Variants in TASOR2 observed in about 807,000 individuals in gnomAD.
The protein encoded by TASOR2 is protein TASOR 2.
Under a neutral mutation model 199.5 loss-of-function variants are expected in TASOR2, and 84 were observed. The observed-to-expected ratio is 0.42, with a 90% confidence interval of 0.35 to 0.50. The LOEUF (loss-of-function observed/expected upper bound fraction) is 0.50, where lower values mean the gene tolerates loss of function less well. TASOR2 is among the 20% of genes least tolerant of loss of function. The pLI is 0.02. For synonymous variants in TASOR2, 1,103 were observed against 1,046.6 expected (o/e 1.05, Z -1.04); for missense variants, 2,796 against 2,835.9 (o/e 0.99, Z 0.32).
Position 5,742,469 on chromosome 10 carries a change from AGAGTGT to A in TASOR2, c.2703_2708del (p.Glu901_Cys902del). ...ATGAACAGAAAAAAACTTTTGCAAG[AGAGTGT>A]GATCCAGACACCCAAGAAGACCAGA... On this transcript the variant is annotated inframe_deletion, in exon 14 of 21. Transcript: ENST00000328090. The surrounding 1 kb of genome is among the most constrained non-coding windows in gnomAD (Gnocchi z 4.2). The A allele has an allele frequency of 1.9e-6, 3 of 1,614,092 alleles. No homozygotes were observed. The highest frequency in any genetic ancestry group is 2.5e-6 in the Non-Finnish European group (3 of 1,180,024).
chr10:5,725,313 C>A (rs1277172874), intron 8 of TASOR2, among the ~76,000 whole-genome samples: 15 of 145,320 alleles, frequency 1.0e-4, no homozygotes, highest in Admixed American at 8.0e-4. Context: ...ATGGCATGAA[C>A]CCAGGAGGCG....
At chr10:5,718,495 C>G (rs12247193) in intron 3 of TASOR2, among the ~76,000 whole-genome samples, 1 of 151,596 alleles carries the variant, frequency 6.6e-6, no homozygotes, top group Non-Finnish European at 1.5e-5. Context: ...TGCCTGTAAT[C>G]CCAGCACTTT....
In TASOR2 at chr10:5,738,864, T is replaced by C. The variant is rs1274101737; in HGVS notation, c.1448-754T>C. Among the ~76,000 whole-genome samples, 5 of 152,160 alleles carry C rather than the reference T, an allele frequency of 3.3e-5. No homozygotes were observed. The highest frequency in any genetic ancestry group is 1.2e-4 in the African/African-American group (5 of 41,428). The stretch of plus-strand genomic sequence containing the variant: ...AATACCAAGGGAAACCACTGGCAAA[T>C]GTAAATGTTCTGATTAAGGGCATAT... On this transcript the variant is annotated intron_variant, in intron 12 of 20. Transcript: ENST00000328090. The surrounding 1 kb of genome is among the most constrained non-coding windows in gnomAD (Gnocchi z 4.7).
intron 1 of TASOR2, among the ~76,000 whole-genome samples, chr10:5,704,439 A>G (rs139358041): frequency 1.1e-3 from 161 of 152,118 alleles, no homozygotes; most frequent in African/African-American, 3.6e-3. Context: ...AATTGTTTCT[A>G]TTACCCTTAT....
chr10:5,758,736 C>A, intron 17 of TASOR2, 151 bp from the exon 19 acceptor site: 1 of 618,644 alleles, frequency 1.6e-6, no homozygotes, highest in East Asian at 2.8e-5. Flanking sequence ...AGGATGCTGC[C>A]CAACCACATA....
intron 13 of TASOR2, among the ~76,000 whole-genome samples, chr10:5,741,536 C>G (rs907060345): frequency 1.3e-5 from 2 of 152,198 alleles, no homozygotes; most frequent in African/African-American, 4.8e-5. Flanking sequence ...CATCCTTTTG[C>G]CTGCCAGGTG....
At chr10:5,758,967 A>T (rs1348729076) in exon 18 of TASOR2, 1 of 1,613,886 alleles carries the variant, frequency 6.2e-7, no homozygotes, top group Non-Finnish European at 8.5e-7. Context: ...CTACAGGGAA[A>T]ATAAAAAGCT....
rs1837469019 is a variant in TASOR2, at chr10:5,748,053, A to G, written c.4632A>G (p.Lys1544=). 4.3e-6 allele frequency: 7 copies of G among 1,614,088 alleles called. No individual in the cohort carries two copies. In the South Asian group the frequency reaches 7.7e-5, roughly 18 times the overall value. Residue 1544 remains lysine (K), a synonymous_variant, in exon 15 of 21, where the codon AAA becomes AAG. Coordinates refer to ENST00000328090, the Ensembl canonical transcript of TASOR2. This position sits in a 1 kb window ranked among gnomAD's most constrained non-coding sequence, Gnocchi z 5.1. ...GTGACTTCAGTCCTTCTCCTGAAAA[A>G]CTGGTAAAATCAGGAAATCCATTGC...
rs970134215 is a variant in TASOR2, at chr10:5,737,092, T to C, written c.1447+1546T>C. ...TTCCTGCCTCAGTCTCCCGAGTAGC[T>C]AGGACTACAGGTGCATGCCACCACG... On this transcript the variant is annotated intron_variant, in intron 12 of 20. Transcript: ENST00000328090. The surrounding 1 kb of genome is among the most constrained non-coding windows in gnomAD (Gnocchi z 4.9). Among the ~76,000 whole-genome samples the C allele has an allele frequency of 2.0e-5, 3 of 152,150 alleles. No individual in the cohort carries two copies. The highest frequency in any genetic ancestry group is 7.2e-5 in the African/African-American group (3 of 41,432).
Position 5,752,034 on chromosome 10 carries a change from C to G in TASOR2, c.6606+2007C>G, listed in dbSNP as rs1472670654. ...TCCCAACCCCAGGTATAATGAGACCCCTCACTGAGGCACTAATCCTGACCT... is the reference window on the plus strand; with the variant it reads ...TCCCAACCCCAGGTATAATGAGACCGCTCACTGAGGCACTAATCCTGACCT... On this transcript the variant is annotated intron_variant, in intron 15 of 20. Transcript: ENST00000328090. The surrounding 1 kb of genome is among the most constrained non-coding windows in gnomAD (Gnocchi z 4.4). Among the ~76,000 whole-genome samples, 1 of 152,048 alleles carries G rather than the reference C, an allele frequency of 6.6e-6. No individual in the cohort carries two copies. Among genetic ancestry groups the G allele is most frequent in the Middle Eastern group, 3.2e-3 (1 of 316 alleles).
At chr10:5,717,404 C>T (rs779701031) in intron 2 of TASOR2, among the ~76,000 whole-genome samples, 6 of 152,106 alleles carry the variant, frequency 3.9e-5, no homozygotes, top group Non-Finnish European at 8.8e-5. Flanking sequence ...CTTCTGACCA[C>T]AGAATTAGCG....
At chr10:5,731,295 C>A (rs1834779468) in intron 11 of TASOR2, 92 bp downstream of exon 12, 8 of 1,207,460 alleles carry the variant, frequency 6.6e-6, no homozygotes, top group African/African-American at 3.0e-5. Flanking sequence ...TTTGGGAAAC[C>A]AAGTGGGTGG....
rs747533921 is a variant in TASOR2 at position 5,748,769 on chromosome 10, C to G, written c.5348C>G (p.Ser1783Cys). 1 of 1,614,148 alleles carries G rather than the reference C, an allele frequency of 6.2e-7. No individual in the cohort carries two copies. Among genetic ancestry groups the G allele is most frequent in the South Asian group, 1.1e-5 (1 of 91,084 alleles). The change falls in exon 15 of 21, where the codon TCT becomes TGT. Residue 1783 changes from serine (S) to cysteine (C), a missense_variant. Ser to Cys is a moderately radical substitution (Grantham distance 112). Coordinates refer to ENST00000328090, the Ensembl canonical transcript of TASOR2. This position sits in a 1 kb window ranked among gnomAD's most constrained non-coding sequence, Gnocchi z 5.1. The stretch of plus-strand genomic sequence containing the variant: ...TTTGTTTCAGAATCCTTTGATACTT[C>G]TGTTTGTGGAATAGCCACAGAGCAC...
intron 12 of TASOR2, 89 bp downstream of exon 13, chr10:5,735,635 G>T: frequency 1.4e-6 from 2 of 1,445,432 alleles, no homozygotes; most frequent in Non-Finnish European, 1.8e-6. Flanking sequence ...TGTAAGAGCA[G>T]TTGCAATGTC....
At chr10:5,746,332 A>T in exon 15 of TASOR2, 1 of 1,614,104 alleles carries the variant, frequency 6.2e-7, no homozygotes, top group Non-Finnish European at 8.5e-7. Context: ...TTACAGTGGC[A>T]CTGTTACTCA....
rs1835826988 is a variant in TASOR2 at position 5,737,709 on chromosome 10, C to T, written c.1448-1909C>T. Among the ~76,000 whole-genome samples, 1 of 152,202 alleles carries T rather than the reference C, an allele frequency of 6.6e-6. No homozygotes were observed. Among genetic ancestry groups the T allele is most frequent in the African/African-American group, 2.4e-5 (1 of 41,450 alleles). ...TTCATCTGACATGTCTTGGTCCAAT[C>T]TTTCCAATTTGTAAACATGAGAATA... On this transcript the variant is annotated intron_variant, in intron 12 of 20. Transcript: ENST00000328090. The surrounding 1 kb of genome is among the most constrained non-coding windows in gnomAD (Gnocchi z 4.9).
rs1256029997 is a variant in TASOR2, at chr10:5,740,441, A to C, written c.2271A>C (p.Leu757Phe). The change falls in exon 13 of 21, where the codon TTA becomes TTC. Residue 757 changes from leucine to phenylalanine, a missense_variant. Leu to Phe is a conservative substitution (Grantham distance 22). This residue lies in a region of TASOR2 where 847 missense variants were observed against 887.4 expected (regional missense o/e 0.95). Coordinates refer to ENST00000328090, the Ensembl canonical transcript of TASOR2. This position sits in a 1 kb window ranked among gnomAD's most constrained non-coding sequence, Gnocchi z 5.3. ...GTGAAACAGAATATGCATTCAGTTTAGACAGCAAATATACCAACAACCCAC... is the reference window on the plus strand; with the variant it reads ...GTGAAACAGAATATGCATTCAGTTTCGACAGCAAATATACCAACAACCCAC... 1 of 1,614,048 alleles carries C rather than the reference A, an allele frequency of 6.2e-7. No individual in the cohort carries two copies. The highest frequency in any genetic ancestry group is 8.5e-7 in the Non-Finnish European group (1 of 1,180,034).
At position 5,748,128 on chromosome 10, in the gene TASOR2, G is replaced by A. The variant is rs1422062506; in HGVS notation, c.4707G>A (p.Leu1569=). 6.2e-7 allele frequency: 1 copy of A among 1,614,072 alleles called. No homozygotes were observed. The highest frequency in any genetic ancestry group is 8.5e-7 in the Non-Finnish European group (1 of 1,180,030). ...ATTTGGACTTAAAACATCTTGTCTT[G>A]GAGTCCAGTGAACCTCCATTTGGTC... The change falls in exon 15 of 21, where the codon TTG becomes TTA. Residue 1569 remains leucine (L), a synonymous_variant. Transcript: ENST00000328090. This position sits in a 1 kb window ranked among gnomAD's most constrained non-coding sequence, Gnocchi z 5.1.
intron 1 of TASOR2, among the ~76,000 whole-genome samples, chr10:5,691,247 G>T (rs973265378): frequency 1.3e-5 from 2 of 151,406 alleles, no homozygotes; most frequent in African/African-American, 4.9e-5. Context: ...GGTCTCTAAA[G>T]AATTTGTTGT....
Sources: allele counts gnomAD v4.1 joint callset (sites outside exome capture counted in the v4.1 genomes callset), GRCh38; gene constraint gnomAD v4.1.1; regional missense constraint gnomAD v4.1.1; non-coding constraint Gnocchi (gnomAD v3.1); transcripts MANE v1.5; gene names NCBI Gene and HGNC (gene_info 2026-07-23, HGNC 2026-07-21).